Variants in DCDC1 observed in about 807,000 individuals in gnomAD.
The protein encoded by DCDC1 is doublecortin domain-containing protein 1.
A neutral mutation model predicts 178.3 loss-of-function variants in DCDC1; 200 were observed. The observed-to-expected ratio is 1.12, with a 90% CI of 1.00 to 1.26. The LOEUF (loss-of-function observed/expected upper bound fraction) is 1.26, where lower values mean the gene tolerates loss of function less well. Among genes scored for constraint, DCDC1 ranks in the 50% most tolerant of loss-of-function variants. DCDC1 has a pLI of 0.00. For synonymous variants in DCDC1, 690 were observed against 604.8 expected, an observed-to-expected ratio of 1.14 and a Z score of -2.07; for missense variants, 1,983 against 1,749.2, an observed-to-expected ratio of 1.13 and a Z score of -2.38.
intron 8 of DCDC1, among the ~76,000 whole-genome samples, chr11:31,259,720 C>T (rs978679661): frequency 1.3e-5 from 2 of 152,192 alleles, no homozygotes; most frequent in Non-Finnish European, 2.9e-5. Flanking sequence ...TATGCTGTAA[C>T]TAATGCCTTA....
rs138497435 is a variant in DCDC1, at chr11:31,111,864, T to C, written c.1486-1503A>G. Reference sequence around the variant, plus strand: ...CATGGAGTCAGAGTGCAGCAAATTATATTCTAGAAAATAGCAGTGCCAAGT... The same window carrying C: ...CATGGAGTCAGAGTGCAGCAAATTACATTCTAGAAAATAGCAGTGCCAAGT... On this transcript the variant is annotated intron_variant, in intron 11 of 38. Transcript: ENST00000684477. Among the ~76,000 whole-genome samples, 546 of 152,278 alleles carry C rather than the reference T, an allele frequency of 3.6e-3. 1 individual carries two copies. The highest frequency in any genetic ancestry group is 6.8e-3 in the Middle Eastern group (2 of 294).
At chr11:31,215,760 T>A (rs920828585) in intron 9 of DCDC1, among the ~76,000 whole-genome samples, 4 of 149,806 alleles carry the variant, frequency 2.7e-5, no homozygotes, top group Admixed American at 2.7e-4. Flanking sequence ...GCCACTGCAC[T>A]CCAGCCTGGT....
Position 31,238,858 on chromosome 11 carries a change from T to C in DCDC1, c.1221+2592A>G, listed in dbSNP as rs112531710. On this transcript the variant is annotated intron_variant, in intron 9 of 38. Coordinates refer to ENST00000684477, the MANE Select transcript of DCDC1 (RefSeq NM_001387274.1). ...TCATTTTAATACACACGAATCAGTATATATTTAAGACCACCCTAATGTAGT... is the reference window on the plus strand; with the variant it reads ...TCATTTTAATACACACGAATCAGTACATATTTAAGACCACCCTAATGTAGT... Among the ~76,000 whole-genome samples, 4 of 152,134 alleles carry C rather than the reference T, an allele frequency of 2.6e-5. No individual in the cohort carries two copies. In the East Asian group the frequency reaches 7.7e-4, roughly 29 times the overall value.
chr11:31,149,728 A>T (rs569965304), intron 9 of DCDC1, among the ~76,000 whole-genome samples: 2 of 151,392 alleles, frequency 1.3e-5, no homozygotes, highest in East Asian at 3.9e-4. Context: ...CACCTTTAAG[A>T]GCTGTATCAC....
chr11:31,334,407 C>T (rs1950165739), intron 2 of DCDC1, among the ~76,000 whole-genome samples: 2 of 152,326 alleles, frequency 1.3e-5, no homozygotes, highest in Admixed American at 1.3e-4. Context: ...ATTCTCCATC[C>T]AGCTTTGTTC....
intron 20 of DCDC1, among the ~76,000 whole-genome samples, chr11:31,013,681 C>A (rs1320084767): frequency 6.6e-6 from 1 of 152,100 alleles, no homozygotes; most frequent in African/African-American, 2.4e-5. Flanking sequence ...CCCTTCACTG[C>A]TTATTTACAC....
intron 31 of DCDC1, 179 bp from the exon 32 acceptor site, chr11:30,903,862 C>A: frequency 2.0e-6 from 1 of 507,218 alleles, no homozygotes; most frequent in South Asian, 6.7e-5. Flanking sequence ...TTAGATTGTC[C>A]TACCTAATTT....
intron 38 of DCDC1, among the ~76,000 whole-genome samples, chr11:30,878,318 T>C (rs1370099722): frequency 6.6e-6 from 1 of 151,828 alleles, no homozygotes; most frequent in Non-Finnish European, 1.5e-5. Flanking sequence ...CTGGGTGTAG[T>C]GGTGCATGAC....
Position 30,920,819 on chromosome 11 carries a change from G to A in DCDC1, c.3250C>T (p.Gln1084Ter). The change falls in exon 25 of 39, where the codon CAA becomes TAA. Residue 1084 changes from glutamine to a stop codon, truncating the protein, a stop_gained. Transcript: ENST00000684477. LOFTEE classifies it high-confidence loss of function. The stretch of plus-strand genomic sequence containing the variant: ...TTTTCCGTTGTTAGAGGATCTTCTT[G>A]CATTTGCTTTTCTTCCGGTTCTGTA... ...QVTEPEEKQM[Q>*]EDPLTTENAS... The A allele has an allele frequency of 6.2e-7, 1 of 1,613,626 alleles. No homozygotes were observed.
chr11:31,353,611 C>G (rs1186615223), intron 1 of DCDC1, among the ~76,000 whole-genome samples: 1 of 152,160 alleles, frequency 6.6e-6, no homozygotes, highest in Non-Finnish European at 1.5e-5. Flanking sequence ...TTGGTTACAG[C>G]TTTAGATAAT....
intron 20 of DCDC1, among the ~76,000 whole-genome samples, chr11:30,994,138 T>G (rs1251496759): frequency 6.6e-6 from 1 of 152,206 alleles, no homozygotes; most frequent in Non-Finnish European, 1.5e-5. Context: ...AATGCAAGAT[T>G]GTTCAATATT....
In DCDC1 at chr11:31,305,774, G is replaced by A. The variant is rs1350961374; in HGVS notation, c.595C>T (p.Leu199=). 4 of 1,612,246 alleles carry A rather than the reference G, an allele frequency of 2.5e-6. No individual in the cohort carries two copies. Among genetic ancestry groups the A allele is most frequent in the South Asian group, 2.2e-5 (2 of 90,780 alleles). Residue 199 remains leucine, a synonymous_variant, in exon 6 of 39, where the codon CTG becomes TTG. Transcript: ENST00000684477. ...RVTVPTITLL[L]EECTEKLNLN... ...TTCAGCTTTTCTGTGCACTCCTCCA[G>A]CAGCTAGAAGAAAGCAAGAGGTAAG...
chr11:31,186,290 G>C (rs1387462064), intron 9 of DCDC1, among the ~76,000 whole-genome samples: 1 of 151,982 alleles, frequency 6.6e-6, no homozygotes, highest in Non-Finnish European at 1.5e-5. Flanking sequence ...ATTTTATCTG[G>C]GGTCTTTTGC....
chr11:31,194,508 C>T (rs893788226), intron 9 of DCDC1, among the ~76,000 whole-genome samples: 11 of 152,006 alleles, frequency 7.2e-5, no homozygotes, highest in African/African-American at 2.2e-4. Context: ...TACATAAAAA[C>T]ATATTTTTAC....
chr11:31,321,521 G>A (rs1363224325), intron 3 of DCDC1, among the ~76,000 whole-genome samples: 1 of 151,972 alleles, frequency 6.6e-6, no homozygotes. Flanking sequence ...GCTCGCGCAC[G>A]GTGCACACAC....
At chr11:31,050,998 G>A (rs1955206732) in intron 20 of DCDC1, among the ~76,000 whole-genome samples, 1 of 152,070 alleles carries the variant, frequency 6.6e-6, no homozygotes, top group Non-Finnish European at 1.5e-5. Flanking sequence ...TGATTTACAT[G>A]AAAAAGAATT....
intron 20 of DCDC1, among the ~76,000 whole-genome samples, chr11:31,052,657 G>A (rs1012900359): frequency 2.0e-5 from 3 of 151,906 alleles, no homozygotes; most frequent in South Asian, 2.1e-4. Context: ...AAACACTCTC[G>A]AAGACCACAG....
chr11:31,195,174 A>G (rs1970549615), intron 9 of DCDC1, among the ~76,000 whole-genome samples: 1 of 152,056 alleles, frequency 6.6e-6, no homozygotes, highest in Admixed American at 6.6e-5. Context: ...AGAGCTCCCA[A>G]GGGAGGGAGG....
rs76473888 is a variant in DCDC1 at position 31,206,975 on chromosome 11, T to A, written c.1221+34475A>T. On this transcript the variant is annotated intron_variant, in intron 9 of 38. Coordinates refer to ENST00000684477, the MANE Select transcript of DCDC1 (RefSeq NM_001387274.1). ...CTCAACTTTGAAATAGAAACAGGGA[T>A]GGGAGGCAGAGTTTTGTCTATCACT... Among the ~76,000 whole-genome samples, 914 of 152,322 alleles carry A rather than the reference T, an allele frequency of 6.0e-3. 12 individuals carry two copies. Among genetic ancestry groups the A allele is most frequent in the African/African-American group, 0.021 (879 of 41,572 alleles).
Sources: allele counts gnomAD v4.1 joint callset (sites outside exome capture counted in the v4.1 genomes callset), GRCh38; gene constraint gnomAD v4.1.1; transcripts MANE v1.5; gene names NCBI Gene and HGNC (gene_info 2026-07-23, HGNC 2026-07-21).